The following CEP112 variants were observed in gnomAD, a reference collection of about 807,000 sequenced individuals.
The protein encoded by CEP112 is centrosomal protein of 112 kDa.
Under a neutral mutation model 153.0 loss-of-function variants are expected in CEP112, and 127 were observed. The observed-to-expected ratio is 0.83, with a 90% CI of 0.72 to 0.96. The LOEUF (loss-of-function observed/expected upper bound fraction) is 0.96, where lower values mean the gene tolerates loss of function less well. CEP112 is among the 40% of genes least tolerant of loss of function. The pLI, the probability that CEP112 is intolerant of heterozygous loss-of-function variation, is 0.00. For missense variants in CEP112, 1,089 were observed against 1,101.2 expected (o/e 0.99, Z 0.16); for synonymous variants, 358 against 374.4 (o/e 0.96, Z 0.51).
At chr17:65,786,034 T>G (rs927786199) in intron 21 of CEP112, among the ~76,000 whole-genome samples, 6 of 152,214 alleles carry the variant, frequency 3.9e-5, no homozygotes, top group African/African-American at 1.4e-4. Flanking sequence ...CTTAACAACG[T>G]TAAGTTTTCT....
intron 17 of CEP112, among the ~76,000 whole-genome samples, chr17:65,974,404 A>C (rs1039985759): frequency 5.9e-5 from 9 of 152,182 alleles, no homozygotes; most frequent in African/African-American, 2.2e-4. Flanking sequence ...ATTTGCAGCC[A>C]AGAGAAACTT....
chr17:65,884,479 G>A (rs1039908112), intron 20 of CEP112, among the ~76,000 whole-genome samples: 8 of 152,108 alleles, frequency 5.3e-5, no homozygotes, highest in African/African-American at 1.9e-4. Flanking sequence ...CAGAAAATAT[G>A]TAAGGAGTAG....
intron 23 of CEP112, among the ~76,000 whole-genome samples, chr17:65,700,910 T>C (rs540871602): frequency 3.9e-5 from 6 of 152,298 alleles, no homozygotes; most frequent in African/African-American, 1.4e-4. Context: ...AATACACCTG[T>C]AAGCTTCACG....
intron 21 of CEP112, chr17:65,826,240 C>T (rs1371821074): frequency 1.9e-6 from 3 of 1,614,012 alleles, no homozygotes; most frequent in Non-Finnish European, 2.5e-6. Context: ...TCATCTCTAT[C>T]AGTCTCAGGG....
intron 24 of CEP112, among the ~76,000 whole-genome samples, chr17:65,683,774 T>A (rs1264244908): frequency 6.6e-6 from 1 of 152,206 alleles, no homozygotes; most frequent in Non-Finnish European, 1.5e-5. Flanking sequence ...CTGGGTGCGG[T>A]GGCTCAGGCC....
chr17:65,773,179 G>A (rs571390809), intron 21 of CEP112, among the ~76,000 whole-genome samples: 4 of 152,290 alleles, frequency 2.6e-5, no homozygotes, highest in East Asian at 1.9e-4. Flanking sequence ...AGGTACAGAC[G>A]CTTGAGGAAG....
At chr17:65,830,789 A>G (rs1191402365) in intron 21 of CEP112, among the ~76,000 whole-genome samples, 2 of 152,252 alleles carry the variant, frequency 1.3e-5, no homozygotes, top group Non-Finnish European at 2.9e-5. Context: ...ACTAGGAAAC[A>G]ATGGCAGGTC....
Position 66,162,325 on chromosome 17 carries a change from G to A in CEP112, c.470+12719C>T, listed in dbSNP as rs181141148. Reference sequence around the variant, plus strand: ...TAAAATTATTAAAAACTTACAAACCGAGTTTCAGCAAGGATGGAGAGCCAT... The same window carrying A: ...TAAAATTATTAAAAACTTACAAACCAAGTTTCAGCAAGGATGGAGAGCCAT... On this transcript the variant is annotated intron_variant, in intron 4 of 26. Transcript: ENST00000535342. Among the ~76,000 whole-genome samples, 10 of 152,180 alleles carry A rather than the reference G, an allele frequency of 6.6e-5. No individual in the cohort carries two copies. In the East Asian group the frequency reaches 7.7e-4, roughly 12 times the overall value.
intron 20 of CEP112, among the ~76,000 whole-genome samples, chr17:65,886,910 C>A (rs148234218): frequency 6.6e-6 from 1 of 152,062 alleles, no homozygotes; most frequent in Non-Finnish European, 1.5e-5. Context: ...CTCAAAAAAA[C>A]GAGCTGGAAT....
At chr17:66,053,179 A>T (rs1278982074) in intron 12 of CEP112, among the ~76,000 whole-genome samples, 2 of 151,764 alleles carry the variant, frequency 1.3e-5, no homozygotes, top group African/African-American at 4.8e-5. Context: ...AGAAGAAAAA[A>T]GATTTATAAA....
At chr17:65,984,370 A>T (rs771149675) in intron 17 of CEP112, among the ~76,000 whole-genome samples, 3 of 152,206 alleles carry the variant, frequency 2.0e-5, no homozygotes, top group Non-Finnish European at 2.9e-5. Flanking sequence ...GAAACTAGAA[A>T]TCTAAAATTT....
At chr17:66,139,739 A>G (rs563227217) in intron 4 of CEP112, among the ~76,000 whole-genome samples, 1 of 152,326 alleles carries the variant, frequency 6.6e-6, no homozygotes, top group South Asian at 2.1e-4. Flanking sequence ...TGAATCATGA[A>G]GAATAGAAAA....
chr17:65,958,749 G>A (rs1022183506), intron 18 of CEP112, among the ~76,000 whole-genome samples: 2 of 152,154 alleles, frequency 1.3e-5, no homozygotes, highest in Non-Finnish European at 2.9e-5. Flanking sequence ...CTGCTCATAA[G>A]GGGATGGGTC....
chr17:66,133,509 G>C (rs1241125087), intron 4 of CEP112, among the ~76,000 whole-genome samples: 3 of 152,172 alleles, frequency 2.0e-5, no homozygotes, highest in Non-Finnish European at 4.4e-5. Flanking sequence ...TGCAGAGTAA[G>C]TAGGAAATGA....
At position 65,902,238 on chromosome 17, in the gene CEP112, C is replaced by T. The variant is rs1238778324; in HGVS notation, c.2077G>A (p.Glu693Lys). The T allele has an allele frequency of 1.2e-6, 2 of 1,613,814 alleles. No homozygotes were observed. The highest frequency in any genetic ancestry group is 1.7e-6 in the Non-Finnish European group (2 of 1,179,990). The change falls in exon 20 of 27, where the codon GAA (glutamate) becomes AAA (lysine). Residue 693 changes from glutamate to lysine, a missense_variant. Transcript: ENST00000535342. ...KDSLVRDHER[E>K]IENLEKQLRA... ...AGCTGTTTTTCCAGGTTTTCAATTT[C>T]CCGTTCATGGTCTCGGACTAGGCTA... is the stretch of plus-strand genomic sequence containing the variant.
chr17:66,129,918 G>C (rs1291711267), intron 5 of CEP112, 95 bp from the exon 6 acceptor site: 2 of 671,016 alleles, frequency 3.0e-6, no homozygotes, highest in Non-Finnish European at 4.8e-6. Flanking sequence ...AAAGATAGAA[G>C]AGATAAAGGG....
intron 17 of CEP112, among the ~76,000 whole-genome samples, chr17:65,969,321 G>C (rs1452360982): frequency 1.3e-5 from 2 of 151,946 alleles, no homozygotes; most frequent in African/African-American, 4.8e-5. Flanking sequence ...CATTGTAAAG[G>C]ACTTCTCATT....
intron 17 of CEP112, among the ~76,000 whole-genome samples, chr17:65,982,935 T>C (rs1346968768): frequency 6.6e-6 from 1 of 152,284 alleles, no homozygotes. Context: ...TAGAAAACAT[T>C]ACACTAAGTG....
chr17:65,780,820 T>C (rs914530260), intron 21 of CEP112, among the ~76,000 whole-genome samples: 2 of 152,126 alleles, frequency 1.3e-5, no homozygotes, highest in Admixed American at 1.3e-4. Flanking sequence ...TCAAATGACA[T>C]GAATCAGCCA....
Sources: allele counts gnomAD v4.1 joint callset (sites outside exome capture counted in the v4.1 genomes callset), GRCh38; gene constraint gnomAD v4.1.1; transcripts MANE v1.5; gene names NCBI Gene and HGNC (gene_info 2026-07-23, HGNC 2026-07-21).